GALNT13: variants seen among roughly 807,000 people sequenced by gnomAD.
GALNT13 encodes UDP-GalNAc:polypeptide N-acetylgalactosaminyltransferase 13.
GALNT13 carries 28 observed loss-of-function variants against 64.2 expected under a neutral mutation model. The observed-to-expected ratio is 0.44, with a 90% CI of 0.32 to 0.60. The LOEUF (loss-of-function observed/expected upper bound fraction) is 0.60, where lower values mean the gene tolerates loss of function less well. Ranked by LOEUF, GALNT13 falls within the 20% of genes least tolerant of loss-of-function variation. GALNT13 has a pLI of 0.05. For synonymous variants in GALNT13, 214 were observed against 224.6 expected (o/e 0.95, Z 0.42); for missense variants, 577 against 669.8 (o/e 0.86, Z 1.53).
chr2:153,083,438 A>T, the GALNT13 span, among the ~76,000 whole-genome samples: 1 of 152,064 alleles, frequency 6.6e-6, no homozygotes, highest in Non-Finnish European at 1.5e-5. Context: ...CTATTCTTGC[A>T]GGAGTAAGGT....
chr2:154,293,846 T>C (rs1692773461), intron 8 of GALNT13, among the ~76,000 whole-genome samples: 1 of 152,190 alleles, frequency 6.6e-6, no homozygotes, highest in Non-Finnish European at 1.5e-5. Context: ...TTAACATTTA[T>C]TTTTTTCACA....
the GALNT13 span, among the ~76,000 whole-genome samples, chr2:153,528,155 G>A: frequency 2.6e-5 from 4 of 151,576 alleles, no homozygotes. Flanking sequence ...AAAAAAACAA[G>A]ATCATTGATC....
At chr2:153,690,645 T>C in the GALNT13 span, among the ~76,000 whole-genome samples, 1 of 152,172 alleles carries the variant, frequency 6.6e-6, no homozygotes, top group East Asian at 1.9e-4. Flanking sequence ...TGTGTGACTC[T>C]TTCTTTAGTT....
At chr2:153,275,333 A>G in the GALNT13 span, among the ~76,000 whole-genome samples, 2 of 152,156 alleles carry the variant, frequency 1.3e-5, no homozygotes, top group Admixed American at 6.5e-5. Context: ...TCCACAGTTC[A>G]GGTTATATTA....
At chr2:154,138,449 C>T (rs1411372973) in intron 3 of GALNT13, among the ~76,000 whole-genome samples, 1 of 151,524 alleles carries the variant, frequency 6.6e-6, no homozygotes, top group Non-Finnish European at 1.5e-5. Context: ...TAAAAATGTA[C>T]CCCAAATTAT....
chr2:153,491,005 C>T, the GALNT13 span, among the ~76,000 whole-genome samples: 6 of 151,384 alleles, frequency 4.0e-5, no homozygotes, highest in East Asian at 1.2e-3. Flanking sequence ...TTAACTCAAC[C>T]TGATAGTATC....
At chr2:153,403,508 C>T in the GALNT13 span, among the ~76,000 whole-genome samples, 1 of 152,200 alleles carries the variant, frequency 6.6e-6, no homozygotes, top group Admixed American at 6.5e-5. Context: ...TGGGCAAAGG[C>T]GGGCGCCCCT....
the GALNT13 span, among the ~76,000 whole-genome samples, chr2:153,359,630 C>CAAAAAGAA: frequency 2.6e-5 from 1 of 38,220 alleles, no homozygotes; most frequent in African/African-American, 1.0e-4. Context: ...CAGCTTTCAG[C>CAAAAAGAA]AAAAAAAAAA....
At chr2:154,355,593 G>C (rs1049118952) in intron 9 of GALNT13, among the ~76,000 whole-genome samples, 4 of 152,048 alleles carry the variant, frequency 2.6e-5, no homozygotes, top group African/African-American at 7.2e-5. Flanking sequence ...GCTCATTGTA[G>C]TGCTGGGAAA....
chr2:153,480,494 A>G, the GALNT13 span, among the ~76,000 whole-genome samples: 1 of 152,144 alleles, frequency 6.6e-6, no homozygotes, highest in Non-Finnish European at 1.5e-5. Context: ...TTATTGTTCT[A>G]GTTTCCCATA....
At chr2:154,364,518 A>G (rs1697251713) in intron 9 of GALNT13, among the ~76,000 whole-genome samples, 1 of 152,198 alleles carries the variant, frequency 6.6e-6, no homozygotes, top group Non-Finnish European at 1.5e-5. Flanking sequence ...GCTGCTTTCT[A>G]AGGATATCAG....
At chr2:153,085,221 A>T in the GALNT13 span, among the ~76,000 whole-genome samples, 1 of 152,278 alleles carries the variant, frequency 6.6e-6, no homozygotes, top group South Asian at 2.1e-4. Flanking sequence ...AGAGCGTAAA[A>T]GTTTGGAAAA....
At chr2:153,630,801 ATATATATTTT>A in the GALNT13 span, among the ~76,000 whole-genome samples, 150 of 17,190 alleles carry the variant, frequency 8.7e-3, no homozygotes, top group East Asian at 0.024. Context: ...ATATATATAT[ATATATATTTT>A]TTTTTTTTTT....
chr2:153,988,744 A>C (rs1048920394), intron 3 of GALNT13, among the ~76,000 whole-genome samples: 1 of 151,980 alleles, frequency 6.6e-6, no homozygotes, highest in Non-Finnish European at 1.5e-5. Context: ...AAAATTTAAG[A>C]GGATGATGAG....
At chr2:153,666,051 C>A in the GALNT13 span, among the ~76,000 whole-genome samples, 1 of 152,070 alleles carries the variant, frequency 6.6e-6, no homozygotes, top group Non-Finnish European at 1.5e-5. Context: ...TCTGAACACC[C>A]CTCTATCTGA....
intron 1 of GALNT13, among the ~76,000 whole-genome samples, chr2:153,874,833 A>C (rs1686246903): frequency 6.6e-6 from 1 of 152,266 alleles, no homozygotes; most frequent in Admixed American, 6.5e-5. Context: ...TTGCAAGTCT[A>C]CAACTTGGCT....
At chr2:153,556,909 C>T in the GALNT13 span, among the ~76,000 whole-genome samples, 1 of 152,154 alleles carries the variant, frequency 6.6e-6, no homozygotes, top group Non-Finnish European at 1.5e-5. Flanking sequence ...CTTTGTGCTA[C>T]ATATTTTTAC....
chr2:153,143,656 C>T, the GALNT13 span, among the ~76,000 whole-genome samples: 15 of 152,154 alleles, frequency 9.9e-5, no homozygotes, highest in African/African-American at 3.6e-4. Context: ...TAGATGGAAA[C>T]ATTTTTAAGA....
At chr2:153,298,894 C>G in the GALNT13 span, among the ~76,000 whole-genome samples, 1 of 152,048 alleles carries the variant, frequency 6.6e-6, no homozygotes, top group Non-Finnish European at 1.5e-5. Context: ...AAGGTAAGAT[C>G]AATACTTTAT....
Sources: allele counts gnomAD v4.1 joint callset (sites outside exome capture counted in the v4.1 genomes callset), GRCh38; gene constraint gnomAD v4.1.1; transcripts MANE v1.5; gene names NCBI Gene and HGNC (gene_info 2026-07-23, HGNC 2026-07-21).